Variants in C10orf71 observed in about 807,000 individuals in gnomAD.
C10orf71 encodes the protein chromosome 10 open reading frame 71.
For missense variants in C10orf71, 1,869 were observed against 1,804.5 expected (o/e 1.04, Z -0.65); for synonymous variants, 758 against 726.3 (o/e 1.04, Z -0.70).
In C10orf71 at chr10:49,326,160, G is replaced by A. The variant is rs1849238623; in HGVS notation, c.3615G>A (p.Gln1205=). 3 of 1,551,688 alleles carry A rather than the reference G, an allele frequency of 1.9e-6. No homozygotes were observed. The highest frequency in any genetic ancestry group is 4.9e-5 in the East Asian group (2 of 40,902). The change falls in exon 3 of 3, where the codon CAG becomes CAA. Residue 1205 remains glutamine (Q), a synonymous_variant. Transcript: ENST00000374144. ...DQAQEKHGES[Q]EGKPCPEDLE... ...CTCAGGAGAAGCATGGCGAGTCACA[G>A]GAGGGAAAGCCCTGCCCGGAGGACT...
rs372675030 is a variant in C10orf71, at chr10:49,323,305, C to T, written c.760C>T (p.His254Tyr). 32 of 1,613,740 alleles carry T rather than the reference C, an allele frequency of 2.0e-5. No homozygotes were observed. Among genetic ancestry groups the T allele is most frequent in the Non-Finnish European group, 1.5e-5 (18 of 1,179,852 alleles). Residue 254 changes from histidine to tyrosine, a missense_variant, in exon 3 of 3, where the codon CAC (histidine) becomes TAC (tyrosine). Transcript: ENST00000374144. ...TLCESKFPSP[H>Y]HKPVTGEPGR... ...ATGTGAGTCAAAGTTCCCCTCTCCACACCACAAGCCAGTCACGGGTGAGCC... is the reference window on the plus strand; with the variant it reads ...ATGTGAGTCAAAGTTCCCCTCTCCATACCACAAGCCAGTCACGGGTGAGCC...
At position 49,322,623 on chromosome 10, in the gene C10orf71, C is replaced by G; in HGVS notation, c.78C>G (p.Asp26Glu). The G allele has an allele frequency of 6.2e-7, 1 of 1,613,242 alleles. No homozygotes were observed. The change falls in exon 3 of 3, where the codon GAC becomes GAG. Residue 26 changes from aspartate (D) to glutamate (E), a missense_variant. Asp to Glu is a conservative substitution (Grantham distance 45, BLOSUM62 2). Coordinates refer to ENST00000374144, the MANE Select transcript of C10orf71 (RefSeq NM_001135196.2). ...SSIGSVLDDADREVSSLTDRA... is the reference protein window; with the variant it reads ...SSIGSVLDDAEREVSSLTDRA... Reference sequence around the variant, plus strand: ...TCGGCAGCGTGTTGGATGATGCAGACAGGGAGGTGAGCAGCCTAACAGACC... The same window carrying G: ...TCGGCAGCGTGTTGGATGATGCAGAGAGGGAGGTGAGCAGCCTAACAGACC...
At chr10:49,316,529 A>G (rs781015766) in intron 2 of C10orf71, among the ~76,000 whole-genome samples, 6 of 152,256 alleles carry the variant, frequency 3.9e-5, no homozygotes, top group Non-Finnish European at 8.8e-5. Flanking sequence ...GAATGAGGAT[A>G]TAAACCCAGG....
chr10:49,299,442 C>T (rs1414533983), intron 1 of C10orf71: 1 of 152,424 alleles, frequency 6.6e-6, no homozygotes, highest in Non-Finnish European at 1.5e-5. Flanking sequence ...GCTGGACACG[C>T]AGAGAGCGGA....
At chr10:49,303,705 G>A (rs1848766016) in intron 1 of C10orf71, among the ~76,000 whole-genome samples, 1 of 152,232 alleles carries the variant, frequency 6.6e-6, no homozygotes, top group Non-Finnish European at 1.5e-5. Flanking sequence ...AATAAACATG[G>A]TTGTTAAAGG....
intron 2 of C10orf71, among the ~76,000 whole-genome samples, chr10:49,318,321 G>A (rs1849033996): frequency 6.6e-6 from 1 of 152,226 alleles, no homozygotes; most frequent in African/African-American, 2.4e-5. Flanking sequence ...CTTCTACTGG[G>A]GAAGGCGTGG....
At chr10:49,317,451 C>A (rs1424182943) in intron 2 of C10orf71, among the ~76,000 whole-genome samples, 1 of 152,162 alleles carries the variant, frequency 6.6e-6, no homozygotes, top group Non-Finnish European at 1.5e-5. Context: ...CTCTCATTAC[C>A]TCAGAGTATG....
intron 1 of C10orf71, among the ~76,000 whole-genome samples, chr10:49,306,833 C>T (rs1564683146): frequency 6.6e-6 from 1 of 152,240 alleles, no homozygotes; most frequent in Non-Finnish European, 1.5e-5. Context: ...GGGGGACCCA[C>T]CATTCACATG....
At chr10:49,315,691 C>A (rs1051551788) in intron 1 of C10orf71, among the ~76,000 whole-genome samples, 2 of 152,180 alleles carry the variant, frequency 1.3e-5, no homozygotes, top group Non-Finnish European at 2.9e-5. Flanking sequence ...ATTTTTGGAA[C>A]TTTGTTGAGC....
Position 49,321,146 on chromosome 10 carries a change from C to A in C10orf71, c.-144-1256C>A, listed in dbSNP as rs572872111. Among the ~76,000 whole-genome samples, 3 of 152,192 alleles carry A rather than the reference C, an allele frequency of 2.0e-5. No homozygotes were observed. In the South Asian group the frequency reaches 6.2e-4, roughly 32 times the overall value. On this transcript the variant is annotated intron_variant, in intron 2 of 2. Coordinates refer to ENST00000374144, the MANE Select transcript of C10orf71 (RefSeq NM_001135196.2). ...CAGTATTGTTAACTACAGACACCTG[C>A]TGTACATCAGATCTCCAGAACTAAT...
In C10orf71 at chr10:49,326,916, A is replaced by AACCCACC; in HGVS notation, c.*64_*65insCCCACCA. 1 of 899,426 alleles carries AACCCACC rather than the reference A, an allele frequency of 1.1e-6. No individual in the cohort carries two copies. The highest frequency in any genetic ancestry group is 1.4e-6 in the Non-Finnish European group (1 of 694,088). The allele number at this position is 899,426 out of a possible 1,614,324, so 55.7% of individuals were successfully genotyped here. The stretch of plus-strand genomic sequence containing the variant: ...GAGGAGCTTACTTCCCCCTCCCCCA[A>AACCCACC]AACAAGCAACACACACACACACACA... On this transcript the variant is annotated 3_prime_UTR_variant, in exon 3 of 3. Transcript: ENST00000374144.
rs1038577779 is a variant in C10orf71, at chr10:49,326,687, G to T, written c.4142G>T (p.Gly1381Val). 4.5e-6 allele frequency: 7 copies of T among 1,550,932 alleles called. No homozygotes were observed. The highest frequency in any genetic ancestry group is 6.1e-6 in the Non-Finnish European group (7 of 1,146,998). ...AGGACCCAGAGTGTCCACGAGTCTGGACTACAGCTGGACCCAGGGCCTCAC... is the reference window on the plus strand; with the variant it reads ...AGGACCCAGAGTGTCCACGAGTCTGTACTACAGCTGGACCCAGGGCCTCAC... Reference protein sequence around the residue: ...RARTQSVHESGLQLDPGPHGD... With the variant: ...RARTQSVHESVLQLDPGPHGD... The change falls in exon 3 of 3, where the codon GGA becomes GTA. Residue 1381 changes from glycine to valine, a missense_variant. Transcript: ENST00000374144.
In C10orf71 at chr10:49,324,598, G is replaced by C; in HGVS notation, c.2053G>C (p.Glu685Gln). Residue 685 changes from glutamate (E) to glutamine (Q), a missense_variant, in exon 3 of 3, where the codon GAA (glutamate) becomes CAA (glutamine). Glu to Gln is a conservative substitution (Grantham distance 29, BLOSUM62 2). Transcript: ENST00000374144. ...SVSQETEPEREAGLQNTHLNQ... is the reference protein window; with the variant it reads ...SVSQETEPERQAGLQNTHLNQ... ...GTCCCAAGAGACAGAACCTGAGAGG[G>C]AAGCAGGACTTCAGAACACACATTT... 1 of 1,613,930 alleles carries C rather than the reference G, an allele frequency of 6.2e-7. No homozygotes were observed. Among genetic ancestry groups the C allele is most frequent in the Non-Finnish European group, 8.5e-7 (1 of 1,179,850 alleles).
At chr10:49,300,184 T>C (rs1195734259) in intron 1 of C10orf71, among the ~76,000 whole-genome samples, 2 of 152,206 alleles carry the variant, frequency 1.3e-5, no homozygotes, top group African/African-American at 2.4e-5. Context: ...CAGATGTGTG[T>C]AGTAAATGAG....
chr10:49,307,063 A>G (rs1848826775), intron 1 of C10orf71, among the ~76,000 whole-genome samples: 2 of 152,198 alleles, frequency 1.3e-5, no homozygotes, highest in Admixed American at 1.3e-4. Context: ...CACTCACCCA[A>G]CCCTGGGATA....
Position 49,323,615 on chromosome 10 carries a change from A to G in C10orf71, c.1070A>G (p.Gln357Arg). The part of the protein sequence containing the change: ...IPWGCRDPGA[Q>R]VFAVEGKAPS... Reference sequence around the variant, plus strand: ...TGGGGGTGCAGGGATCCAGGAGCCCAGGTATTTGCTGTGGAAGGAAAAGCT... The same window carrying G: ...TGGGGGTGCAGGGATCCAGGAGCCCGGGTATTTGCTGTGGAAGGAAAAGCT... The change falls in exon 3 of 3, where the codon CAG becomes CGG. Residue 357 changes from glutamine (Q) to arginine (R), a missense_variant. By Grantham distance (43) the Gln-to-Arg change is conservative. Transcript: ENST00000374144. 2 of 1,602,598 alleles carry G rather than the reference A, an allele frequency of 1.2e-6. No individual in the cohort carries two copies. The highest frequency in any genetic ancestry group is 1.7e-4 in the Middle Eastern group (1 of 5,966).
In C10orf71 at chr10:49,324,339, C is replaced by A; in HGVS notation, c.1794C>A (p.Ala598=). The A allele has an allele frequency of 6.2e-7, 1 of 1,613,876 alleles. No homozygotes were observed. Among genetic ancestry groups the A allele is most frequent in the Non-Finnish European group, 8.5e-7 (1 of 1,179,854 alleles). Residue 598 remains alanine, a synonymous_variant, in exon 3 of 3, where the codon GCC becomes GCA. Coordinates refer to ENST00000374144, the MANE Select transcript of C10orf71 (RefSeq NM_001135196.2). ...CTCTTAGCACAGCTCCGACTATCGC[C>A]AAAGCCCCCTTCTATGTCAATGGGG... ...YLTLSTAPTI[A]KAPFYVNGEA...
chr10:49,297,664 G>C (rs767799427), upstream of C10orf71, among the ~76,000 whole-genome samples: 2 of 152,202 alleles, frequency 1.3e-5, no homozygotes, highest in Non-Finnish European at 2.9e-5. Context: ...CTTTAGAGAT[G>C]GGTAAACTGA....
intron 2 of C10orf71, among the ~76,000 whole-genome samples, chr10:49,319,273 C>T (rs935177207): frequency 2.6e-5 from 4 of 152,054 alleles, no homozygotes; most frequent in African/African-American, 9.6e-5. Flanking sequence ...AAGGAAGCAG[C>T]ATCCTCAGAC....
Sources: gnomAD v4.1 joint callset for allele counts (sites outside exome capture counted in the v4.1 genomes callset) on GRCh38, gnomAD v4.1.1 for gene constraint, MANE v1.5 for transcripts, NCBI Gene and HGNC (gene_info 2026-07-23, HGNC 2026-07-21) for gene names.